Variants in GRIP1 observed in about 807,000 individuals in gnomAD.
The protein encoded by GRIP1 is glutamate receptor interacting protein 1, also known as glutamate receptor-interacting protein 1.
A neutral mutation model predicts 129.9 loss-of-function variants in GRIP1; 45 were observed. The ratio of observed to expected loss-of-function variants is 0.35; its 90% CI spans 0.27 to 0.44. GRIP1 has a LOEUF of 0.44. Ranked by LOEUF, GRIP1 falls within the 20% of genes least tolerant of loss-of-function variation. The pLI, the probability that GRIP1 is intolerant of heterozygous loss-of-function variation, is 1.00. For missense variants in GRIP1, 1,196 were observed against 1,396.8 expected (o/e 0.86, Z 2.29); for synonymous variants, 530 against 520.8 (o/e 1.02, Z -0.24).
chr12:66,685,931 G>A (rs896822116), intron 1 of GRIP1, among the ~76,000 whole-genome samples: 1 of 152,124 alleles, frequency 6.6e-6, no homozygotes, highest in African/African-American at 2.4e-5. Flanking sequence ...ACAGTACCTA[G>A]CACATAGCGC....
rs2065241386 is a variant in GRIP1 at position 66,620,860 on chromosome 12, A to G, written c.56-23933T>C. Among the ~76,000 whole-genome samples the G allele has an allele frequency of 1.3e-5, 2 of 151,938 alleles. 1 individual carries two copies. The highest frequency in any genetic ancestry group is 1.3e-4 in the Admixed American group (2 of 15,226). On this transcript the variant is annotated intron_variant, in intron 1 of 24. Transcript: ENST00000359742. ...AGCTGCTTCTTCCTCATCATAAATT[A>G]AGGGTTGGTTGTAGAAATTCTTTTG...
chr12:66,697,191 A>G (rs1454069892), intron 1 of GRIP1, among the ~76,000 whole-genome samples: 1 of 152,222 alleles, frequency 6.6e-6, no homozygotes, highest in East Asian at 1.9e-4. Flanking sequence ...ACTAAAATCT[A>G]AAGGGAAAAA....
chr12:66,438,178 C>T (rs1304043459), intron 13 of GRIP1, among the ~76,000 whole-genome samples: 1 of 152,244 alleles, frequency 6.6e-6, no homozygotes, highest in Non-Finnish European at 1.5e-5. Context: ...CTACTTGATT[C>T]TTCCGTGGTC....
At chr12:66,763,076 C>T (rs1487699753) in intron 1 of GRIP1, among the ~76,000 whole-genome samples, 3 of 151,930 alleles carry the variant, frequency 2.0e-5, no homozygotes, top group African/African-American at 4.8e-5. Flanking sequence ...TTATAAATTG[C>T]AACACTTTTA....
chr12:66,778,963 C>G (rs966759016), intron 1 of GRIP1, among the ~76,000 whole-genome samples: 2 of 152,256 alleles, frequency 1.3e-5, no homozygotes. Context: ...AGGAAGAACT[C>G]TATCCCGTTA....
At chr12:66,755,243 T>A (rs566677226) in intron 1 of GRIP1, among the ~76,000 whole-genome samples, 6 of 152,348 alleles carry the variant, frequency 3.9e-5, no homozygotes, top group Non-Finnish European at 5.9e-5. Context: ...AATATTTTTT[T>A]AGAAATGTGA....
intron 7 of GRIP1, among the ~76,000 whole-genome samples, chr12:66,515,176 T>G (rs914169742): frequency 6.6e-6 from 1 of 152,092 alleles, no homozygotes; most frequent in Admixed American, 6.6e-5. Context: ...GTGAAATAAA[T>G]GGTCGTTTCT....
intron 7 of GRIP1, among the ~76,000 whole-genome samples, chr12:66,479,345 T>C (rs555447628): frequency 1.3e-5 from 2 of 152,276 alleles, no homozygotes; most frequent in South Asian, 2.1e-4. Context: ...CCTGGACATA[T>C]ATACCCTCCC....
chr12:66,748,042 G>A (rs1434120753), intron 1 of GRIP1, among the ~76,000 whole-genome samples: 1 of 151,412 alleles, frequency 6.6e-6, no homozygotes, highest in African/African-American at 2.4e-5. Context: ...TTTTTGAGAT[G>A]GAGTCTTGCT....
At chr12:67,057,858 A>T (rs577030286) in intron 1 of GRIP1, among the ~76,000 whole-genome samples, 47 of 152,270 alleles carry the variant, frequency 3.1e-4, no homozygotes, top group Non-Finnish European at 5.9e-4. Context: ...GCCTTGTTCA[A>T]GGTTTTCATT....
intron 1 of GRIP1, among the ~76,000 whole-genome samples, chr12:66,738,473 G>A (rs565707531): frequency 8.6e-5 from 13 of 151,906 alleles, no homozygotes; most frequent in African/African-American, 2.9e-4. Context: ...TGCCTGCCTC[G>A]GCCTCCCAAA....
chr12:66,542,483 G>C (rs938026848), intron 2 of GRIP1, among the ~76,000 whole-genome samples: 1 of 152,124 alleles, frequency 6.6e-6, no homozygotes, highest in African/African-American at 2.4e-5. Context: ...AAGTATGATG[G>C]CTTATGTAAC....
At chr12:66,979,237 A>AC (rs1293206236) in intron 1 of GRIP1, among the ~76,000 whole-genome samples, 16,387 of 107,384 alleles carry the variant, frequency 0.15, 1,391 homozygotes, top group Non-Finnish European at 0.22. Flanking sequence ...AAAAAAAAAA[A>AC]AAAAAAAAAA....
In GRIP1 at chr12:66,854,484, A is replaced by G. The variant is rs763872511; in HGVS notation, c.58+214566T>C. On this transcript the variant is annotated intron_variant, in intron 1 of 1. Coordinates refer to the GRIP1 transcript ENST00000643019. ...GTTAGTTACTCTAGGAATGGTGTGG[A>G]GGGGGGCTTTGCTGGAACTAGAATT... Among the ~76,000 whole-genome samples the G allele has an allele frequency of 8.3e-5, 9 of 108,780 alleles. No individual in the cohort carries two copies. In the East Asian group the frequency reaches 2.5e-3, roughly 30 times the overall value. The allele number at this position is 108,780 out of a possible 152,430, so 71.4% of individuals were successfully genotyped here.
intron 1 of GRIP1, chr12:67,035,666 G>T (rs1193552710): frequency 6.6e-6 from 1 of 151,966 alleles, no homozygotes; most frequent in Non-Finnish European, 1.5e-5. Context: ...ATATGAGGCT[G>T]CCAAGAAGAC....
chr12:66,397,210 G>A (rs747957143), intron 16 of GRIP1, among the ~76,000 whole-genome samples: 40 of 148,758 alleles, frequency 2.7e-4, no homozygotes, highest in Non-Finnish European at 5.7e-4. Context: ...AAAACCAACT[G>A]TTATAAAAAG....
intron 5 of GRIP1, among the ~76,000 whole-genome samples, chr12:66,528,297 G>A (rs1188117738): frequency 1.3e-5 from 2 of 151,926 alleles, no homozygotes; most frequent in East Asian, 3.9e-4. Context: ...ACCACGCCCG[G>A]CTAATGTTTT....
At chr12:66,760,665 T>C (rs2037446881) in intron 1 of GRIP1, among the ~76,000 whole-genome samples, 1 of 152,124 alleles carries the variant, frequency 6.6e-6, no homozygotes, top group South Asian at 2.1e-4. Context: ...AAGCTGAGAT[T>C]TGGGTGGGGA....
chr12:66,663,882 T>C (rs1024416377), intron 1 of GRIP1, among the ~76,000 whole-genome samples: 7 of 152,188 alleles, frequency 4.6e-5, no homozygotes, highest in African/African-American at 1.7e-4. Context: ...TCTAAGGATC[T>C]AAGAATGGCT....
Sources: gnomAD v4.1 joint callset for allele counts (sites outside exome capture counted in the v4.1 genomes callset) on GRCh38, gnomAD v4.1.1 for gene constraint, MANE v1.5 for transcripts, NCBI Gene and HGNC (gene_info 2026-07-23, HGNC 2026-07-21) for gene names.